Variants in LONRF1 observed in about 807,000 individuals in gnomAD.
LONRF1 encodes LON peptidase N-terminal domain and ring finger 1.
Under a neutral mutation model 85.8 loss-of-function variants are expected in LONRF1, and 37 were observed. That is an observed-to-expected ratio of 0.43 (90% CI 0.33 to 0.57). The LOEUF is 0.57. Among genes scored for constraint, LONRF1 ranks in the 20% least tolerant of loss-of-function variants. The probability of loss-of-function intolerance (pLI) is 0.04; values close to 1 mark genes in which losing one functional copy is unlikely to be tolerated. For synonymous variants in LONRF1, 517 were observed against 390.1 expected, an observed-to-expected ratio of 1.33 and a Z score of -3.83; for missense variants, 1,036 against 978.0, an observed-to-expected ratio of 1.06 and a Z score of -0.79.
chr8:12,754,337 G>A (rs1272334871), intron 1 of LONRF1: 2 of 177,336 alleles, frequency 1.1e-5, no homozygotes, highest in African/African-American at 2.4e-5. Flanking sequence ...GGAAGCGAGC[G>A]GCCGCTCGGG....
At chr8:12,748,213 T>C (rs189263164) in intron 1 of LONRF1, among the ~76,000 whole-genome samples, 93 of 152,340 alleles carry the variant, frequency 6.1e-4, no homozygotes, top group Middle Eastern at 3.4e-3. Context: ...ACTTTATTTA[T>C]TTGAGAAAAG....
At chr8:12,749,498 C>A (rs116624832) in intron 1 of LONRF1, among the ~76,000 whole-genome samples, 2 of 152,094 alleles carry the variant, frequency 1.3e-5, no homozygotes, top group African/African-American at 4.8e-5. Flanking sequence ...AAATTTTACT[C>A]GAGATTTTCC....
chr8:12,741,105 C>A lies in LONRF1; in HGVS notation c.841-109G>T. 4.2e-6 allele frequency: 5 copies of A among 1,202,424 alleles called. No individual in the cohort carries two copies. The South Asian group carries it at 6.9e-5, about 17-fold the overall frequency. The allele number at this position is 1,202,424 out of a possible 1,614,324, so 74.5% of individuals were successfully genotyped here. On this transcript the variant is annotated intron_variant, in intron 2 of 11. Transcript: ENST00000398246. ...CTGCTCAGCAGTGCCGATTCTGGGCCGGGTGCAGTAGCTCACGCCTGTAAT... is the reference window on the plus strand; with the variant it reads ...CTGCTCAGCAGTGCCGATTCTGGGCAGGGTGCAGTAGCTCACGCCTGTAAT...
At chr8:12,738,626 T>TAACTA (rs1322844054) in intron 3 of LONRF1, 1 of 152,272 alleles carries the variant, frequency 6.6e-6, no homozygotes, top group Non-Finnish European at 1.5e-5. Context: ...TCTCACTGAA[T>TAACTA]AACTAACCTG....
chr8:12,735,959 T>C (rs2117269357), intron 6 of LONRF1, among the ~76,000 whole-genome samples: 1 of 152,292 alleles, frequency 6.6e-6, no homozygotes, highest in East Asian at 1.9e-4. Context: ...TATTCAAACA[T>C]TACAGAACAA....
At chr8:12,752,563 G>C (rs1799450908) in intron 1 of LONRF1, among the ~76,000 whole-genome samples, 2 of 152,168 alleles carry the variant, frequency 1.3e-5, no homozygotes, top group South Asian at 2.1e-4. Context: ...TGCAAAAGTA[G>C]AATGAAGTTG....
chr8:12,737,245 T>C (rs1473769685), intron 4 of LONRF1, 105 bp from the exon 5 acceptor site: 1 of 1,315,158 alleles, frequency 7.6e-7, no homozygotes. Context: ...ATAATGCTCA[T>C]TTTAATGTTC....
At chr8:12,751,102 A>T (rs1057338675) in intron 1 of LONRF1, among the ~76,000 whole-genome samples, 4 of 151,960 alleles carry the variant, frequency 2.6e-5, no homozygotes, top group Non-Finnish European at 4.4e-5. Context: ...CAGGATTGGA[A>T]CCCAGGTGTC....
chr8:12,736,140 C>T (rs1405191543), intron 6 of LONRF1, among the ~76,000 whole-genome samples: 4 of 152,068 alleles, frequency 2.6e-5, no homozygotes, highest in Non-Finnish European at 5.9e-5. Flanking sequence ...GTGTGACCAG[C>T]ACTAGGCCTC....
At chr8:12,730,267 T>C (rs1053620655) in intron 8 of LONRF1, among the ~76,000 whole-genome samples, 1 of 152,198 alleles carries the variant, frequency 6.6e-6, no homozygotes, top group Admixed American at 6.5e-5. Context: ...TAGATACTGA[T>C]CATGAATAAC....
intron 7 of LONRF1, among the ~76,000 whole-genome samples, chr8:12,734,101 G>T (rs1451085213): frequency 6.6e-6 from 1 of 152,082 alleles, no homozygotes; most frequent in African/African-American, 2.4e-5. Context: ...GTTATCCTGG[G>T]GGGGTATTTA....
intron 4 of LONRF1, 67 bp from the exon 5 acceptor site, chr8:12,737,207 T>G: frequency 6.4e-7 from 1 of 1,564,012 alleles, no homozygotes; most frequent in Non-Finnish European, 8.8e-7. Context: ...TCACCAAGAA[T>G]CAAACTGAAA....
Position 12,754,959 on chromosome 8 carries a change from G to A in LONRF1, c.462C>T (p.Arg154=). ...RRCLRRELRA[R]CRLCRDRLPP... ...GCAGCCGGTCCCGGCAGAGGCGGCA[G>A]CGGGCGCGGAGTTCCCTCCGCAGGC... The change falls in exon 1 of 12, where the codon CGC becomes CGT. Residue 154 remains arginine (R), a synonymous_variant. Transcript: ENST00000398246. 2 of 1,490,182 alleles carry A rather than the reference G, an allele frequency of 1.3e-6. No homozygotes were observed. The highest frequency in any genetic ancestry group is 2.3e-4 in the Middle Eastern group (1 of 4,380). The allele number at this position is 1,490,182 out of a possible 1,614,324, so 92.3% of individuals were successfully genotyped here.
At chr8:12,737,346 C>T (rs1318279917) in intron 4 of LONRF1, 8 of 709,386 alleles carry the variant, frequency 1.1e-5, no homozygotes, top group African/African-American at 1.8e-5. Context: ...GCTCTGCATC[C>T]GTGGGTTCAT....
At chr8:12,735,588 C>A in intron 6 of LONRF1, 188 bp from the exon 7 acceptor site, 1 of 546,060 alleles carries the variant, frequency 1.8e-6, no homozygotes, top group East Asian at 3.1e-5. Flanking sequence ...AATTCTCCAT[C>A]AACAAAGGCC....
At position 12,755,089 on chromosome 8, in the gene LONRF1, G is replaced by A. The variant is rs997786310; in HGVS notation, c.332C>T (p.Ala111Val). 1 of 1,471,134 alleles carries A rather than the reference G, an allele frequency of 6.8e-7. No homozygotes were observed. Among genetic ancestry groups the A allele is most frequent in the Non-Finnish European group, 9.0e-7 (1 of 1,116,564 alleles). The allele number at this position is 1,471,134 out of a possible 1,614,324, so 91.1% of individuals were successfully genotyped here. ...HGLGWSAAPVAGADGGAGGLL... is the reference protein window; with the variant it reads ...HGLGWSAAPVVGADGGAGGLL... Reference sequence around the variant, plus strand: ...CCCGCCGGCGCCGCCGTCAGCGCCTGCAACCGGGGCCGCGCTCCAGCCCAG... The same window carrying A: ...CCCGCCGGCGCCGCCGTCAGCGCCTACAACCGGGGCCGCGCTCCAGCCCAG... Residue 111 changes from alanine (A) to valine (V), a missense_variant, in exon 1 of 12, where the codon GCA becomes GTA. Physicochemically the swap from Ala to Val is moderately conservative, Grantham distance 64. Transcript: ENST00000398246.
intron 1 of LONRF1, among the ~76,000 whole-genome samples, chr8:12,751,351 G>A (rs1799396064): frequency 8.9e-6 from 1 of 112,904 alleles, no homozygotes; most frequent in Non-Finnish European, 1.7e-5. Flanking sequence ...TGCCCAGGCT[G>A]GATGGAGTGC....
intron 1 of LONRF1, 35 bp downstream of exon 1, chr8:12,754,665 G>A: frequency 7.7e-7 from 1 of 1,300,478 alleles, no homozygotes. Flanking sequence ...GGAGGGTGCG[G>A]TCGGCCCGGC....
At chr8:12,748,581 C>T (rs1475631989) in intron 1 of LONRF1, among the ~76,000 whole-genome samples, 1 of 152,200 alleles carries the variant, frequency 6.6e-6, no homozygotes, top group African/African-American at 2.4e-5. Flanking sequence ...CTCCCACAAG[C>T]TGTGTTTCTT....
Sources: allele counts gnomAD v4.1 joint callset (sites outside exome capture counted in the v4.1 genomes callset), GRCh38; gene constraint gnomAD v4.1.1; transcripts MANE v1.5; gene names NCBI Gene and HGNC (gene_info 2026-07-23, HGNC 2026-07-21).